CSNK1G2: variants seen among roughly 807,000 people sequenced by gnomAD.
The protein encoded by CSNK1G2 is casein kinase I isoform gamma-2.
Under a neutral mutation model 48.0 loss-of-function variants are expected in CSNK1G2, and 11 were observed. The observed-to-expected ratio is 0.23, with a 90% confidence interval of 0.14 to 0.38. The LOEUF (loss-of-function observed/expected upper bound fraction) is 0.38. CSNK1G2 is among the 10% of genes least tolerant of loss of function. The probability of loss-of-function intolerance (pLI) is 1.00; values close to 1 mark genes in which losing one functional copy is unlikely to be tolerated. For missense variants in CSNK1G2, 446 were observed against 595.5 expected, an observed-to-expected ratio of 0.75 and a Z score of 2.61; for synonymous variants, 337 against 254.1, an observed-to-expected ratio of 1.33 and a Z score of -3.10.
intron 1 of CSNK1G2, among the ~76,000 whole-genome samples, chr19:1,945,409 G>A (rs115178538): frequency 0.015 from 2,232 of 152,326 alleles, 43 homozygotes; most frequent in African/African-American, 0.051. Flanking sequence ...AATCGGGGCA[G>A]CCCCCTGCCA....
chr19:1,943,281 T>A (rs528600509), intron 1 of CSNK1G2, among the ~76,000 whole-genome samples: 1 of 152,196 alleles, frequency 6.6e-6, no homozygotes, highest in African/African-American at 2.4e-5. Context: ...GGGCTTCCTG[T>A]CTGATTTGAA....
chr19:1,978,554 A>G lies in CSNK1G2; in HGVS notation c.298+43A>G. 3 of 1,569,206 alleles carry G rather than the reference A, an allele frequency of 1.9e-6. No homozygotes were observed. The highest frequency in any genetic ancestry group is 2.6e-6 in the Non-Finnish European group (3 of 1,158,034). On this transcript the variant is annotated intron_variant, in intron 4 of 11. Transcript: ENST00000255641. The surrounding 1 kb of genome is among the most constrained non-coding windows in gnomAD (Gnocchi z 7.3). ...GGTGGGGCGGGGGCTGCGCAGGGGC[A>G]GGGAGGGGGCTGCCGCCGCACGCCC...
At chr19:1,944,476 C>T (rs59381076) in intron 1 of CSNK1G2, among the ~76,000 whole-genome samples, 2,224 of 152,226 alleles carry the variant, frequency 0.015, 44 homozygotes, top group African/African-American at 0.05. Flanking sequence ...TGGTGTTTCC[C>T]GAGGGCTGAC....
At chr19:1,951,990 GT>G (rs1180980767) in intron 1 of CSNK1G2, among the ~76,000 whole-genome samples, 3 of 152,130 alleles carry the variant, frequency 2.0e-5, no homozygotes, top group Admixed American at 6.5e-5. Context: ...ATTCTCTGCT[GT>G]TTTCTGACTC....
At chr19:1,962,117 G>A (rs1338388005) in intron 1 of CSNK1G2, among the ~76,000 whole-genome samples, 1 of 151,442 alleles carries the variant, frequency 6.6e-6, no homozygotes, top group Admixed American at 6.6e-5. Flanking sequence ...ATCACCTGGG[G>A]TCAGGAGTTC....
chr19:1,947,982 G>A (rs2014624779), intron 1 of CSNK1G2, among the ~76,000 whole-genome samples: 2 of 152,112 alleles, frequency 1.3e-5, no homozygotes, highest in South Asian at 4.2e-4. Context: ...CCGGGCACTG[G>A]CCTCTCCTTC....
rs1211616487 is a variant in CSNK1G2 at position 1,969,613 on chromosome 19, C to G, written c.-160C>G. 9 of 576,744 alleles carry G rather than the reference C, an allele frequency of 1.6e-5. No homozygotes were observed. The highest frequency in any genetic ancestry group is 2.4e-5 in the Non-Finnish European group (9 of 379,232). 35.7% of individuals were successfully genotyped at this position (576,744 alleles called of 1,614,324 possible). ...GAAGAGCAGCGCGGCCTGGCCGGCC[C>G]GAACGCCTGCGTCTCAGTAGCTGGG... On this transcript the variant is annotated 5_prime_UTR_variant, in exon 2 of 12. Transcript: ENST00000255641.
chr19:1,962,312 AAG>A (rs2015224868), intron 1 of CSNK1G2, among the ~76,000 whole-genome samples: 1 of 149,030 alleles, frequency 6.7e-6, no homozygotes, highest in South Asian at 2.1e-4. Context: ...GCCTGGGCGA[AAG>A]AGTGAGACTC....
intron 1 of CSNK1G2, among the ~76,000 whole-genome samples, chr19:1,963,239 TTTTTGTTTG>T (rs1279948783): frequency 6.6e-6 from 1 of 152,098 alleles, no homozygotes; most frequent in Non-Finnish European, 1.5e-5. Context: ...CCATTGATTC[TTTTTGTTTG>T]TTTTTGTTTT....
At chr19:1,951,959 C>T (rs889880557) in intron 1 of CSNK1G2, among the ~76,000 whole-genome samples, 2 of 152,174 alleles carry the variant, frequency 1.3e-5, no homozygotes, top group African/African-American at 2.4e-5. Context: ...GGATTACAGG[C>T]GAGAGCCACC....
In CSNK1G2 at chr19:1,970,048, G is replaced by A. The variant is rs1262792102; in HGVS notation, c.187+89G>A. 3 of 1,133,346 alleles carry A rather than the reference G, an allele frequency of 2.6e-6. No homozygotes were observed. In the African/African-American group the frequency reaches 4.7e-5, roughly 18 times the overall value. 70.2% of individuals were successfully genotyped at this position (1,133,346 alleles called of 1,614,324 possible). ...GGAGCCTCTGGTGGGGCCGCCCGGGGTCACTGGAGCCTCTGGCGGGGCCGC... is the reference window on the plus strand; with the variant it reads ...GGAGCCTCTGGTGGGGCCGCCCGGGATCACTGGAGCCTCTGGCGGGGCCGC... On this transcript the variant is annotated intron_variant, in intron 2 of 11. Transcript: ENST00000255641.
chr19:1,953,272 G>C (rs991425186), intron 1 of CSNK1G2: 1 of 436,922 alleles, frequency 2.3e-6, no homozygotes, highest in Admixed American at 2.6e-5. Flanking sequence ...GGCAAGACCA[G>C]GTCAGCTCTG....
chr19:1,978,822 G>T lies in CSNK1G2; in HGVS notation c.448-37G>T. On this transcript the variant is annotated intron_variant, in intron 5 of 11. Coordinates refer to ENST00000255641, the MANE Select transcript of CSNK1G2 (RefSeq NM_001319.7). The surrounding 1 kb of genome is among the most constrained non-coding windows in gnomAD (Gnocchi z 7.3). ...CCCTGGAGGGGAGCGCGTGGGACGG[G>T]GAGGGGCCCGGCCGACACCGCCGTG... The T allele has an allele frequency of 6.3e-7, 1 of 1,592,274 alleles. No homozygotes were observed.
At chr19:1,967,756 C>T (rs1377037743) in intron 1 of CSNK1G2, among the ~76,000 whole-genome samples, 2 of 85,182 alleles carry the variant, frequency 2.3e-5, no homozygotes, top group African/African-American at 1.4e-4. Flanking sequence ...CCCAGGCTGC[C>T]CCCGACCACC....
In CSNK1G2 at chr19:1,979,800, C is replaced by A; in HGVS notation, c.1051C>A (p.Leu351Ile). 1 of 1,607,430 alleles carries A rather than the reference C, an allele frequency of 6.2e-7. No individual in the cohort carries two copies. The highest frequency in any genetic ancestry group is 8.5e-7 in the Non-Finnish European group (1 of 1,178,438). ...CACCGACCTGCCCTCCCAGCCTCAG[C>A]TCCGGGACAAAACCCAGCCGCACAG... ...VHTDLPSQPQLRDKTQPHSKN... is the reference protein window; with the variant it reads ...VHTDLPSQPQIRDKTQPHSKN... Residue 351 changes from leucine to isoleucine, a missense_variant, in exon 10 of 12, where the codon CTC becomes ATC. By Grantham distance (5) the Leu-to-Ile change is conservative. Around this residue, in one of 2 missense-constraint regions of CSNK1G2, gnomAD observed 188 missense variants for 179.6 expected, o/e 1.05. Coordinates refer to ENST00000255641, the MANE Select transcript of CSNK1G2 (RefSeq NM_001319.7).
At chr19:1,953,843 C>T (rs369691252) in intron 1 of CSNK1G2, 37 of 531,914 alleles carry the variant, frequency 7.0e-5, no homozygotes, top group Non-Finnish European at 1.4e-4. Flanking sequence ...TGTTCTTTAC[C>T]TGGACTCTTG....
At chr19:1,943,464 A>T (rs1474506100) in intron 1 of CSNK1G2, among the ~76,000 whole-genome samples, 1 of 152,098 alleles carries the variant, frequency 6.6e-6, no homozygotes, top group Non-Finnish European at 1.5e-5. Context: ...CTCCTTTTTA[A>T]TAATACAGTA....
Position 1,957,416 on chromosome 19 carries a change from C to T in CSNK1G2, c.-265-12092C>T. ...GCGCTCGTGCAAACCAAGTGCTGAG[C>T]AGAGAGCAGCCTGGGAGAGAAGGGG... On this transcript the variant is annotated intron_variant, in intron 1 of 11. Coordinates refer to ENST00000255641, the MANE Select transcript of CSNK1G2 (RefSeq NM_001319.7). The surrounding 1 kb of genome is among the most constrained non-coding windows in gnomAD (Gnocchi z 5.4). Among the ~76,000 whole-genome samples, 1 of 152,224 alleles carries T rather than the reference C, an allele frequency of 6.6e-6. No homozygotes were observed. Among genetic ancestry groups the T allele is most frequent in the Non-Finnish European group, 1.5e-5 (1 of 68,036 alleles).
intron 2 of CSNK1G2, chr19:1,975,878 A>G: frequency 1.3e-6 from 1 of 749,640 alleles, no homozygotes; most frequent in East Asian, 1.3e-4. Flanking sequence ...TCTAGTAAAA[A>G]TACAAAAATT....
Sources: allele counts gnomAD v4.1 joint callset (sites outside exome capture counted in the v4.1 genomes callset), GRCh38; gene constraint gnomAD v4.1.1; regional missense constraint gnomAD v4.1.1; non-coding constraint Gnocchi (gnomAD v3.1); transcripts MANE v1.5; gene names NCBI Gene and HGNC (gene_info 2026-07-23, HGNC 2026-07-21).